The following STK39 variants were observed in gnomAD, a reference collection of about 807,000 sequenced individuals.
STK39 encodes STE20/SPS1-related proline-alanine-rich protein kinase.
In STK39, 20 loss-of-function variants were observed where a neutral mutation model predicts 77.8. The ratio of observed to expected loss-of-function variants is 0.26; its 90% CI spans 0.18 to 0.37. The LOEUF (loss-of-function observed/expected upper bound fraction) is 0.37, where lower values mean the gene tolerates loss of function less well. Ranked by LOEUF, STK39 falls within the 10% of genes least tolerant of loss-of-function variation. STK39 has a pLI of 1.00. For missense variants in STK39, 479 were observed against 656.5 expected, an observed-to-expected ratio of 0.73 and a Z score of 2.95; for synonymous variants, 246 against 234.1, an observed-to-expected ratio of 1.05 and a Z score of -0.47.
At chr2:168,247,166 C>A in intron 1 of STK39, 62 bp downstream of exon 1, 1 of 1,108,710 alleles carries the variant, frequency 9.0e-7, no homozygotes, top group African/African-American at 1.7e-5. Context: ...GCATCCCGCG[C>A]CCCCTCCCGC....
chr2:168,109,180 A>G (rs1253804280), intron 10 of STK39, among the ~76,000 whole-genome samples: 2 of 152,362 alleles, frequency 1.3e-5, no homozygotes, highest in Non-Finnish European at 2.9e-5. Flanking sequence ...CTGGAACAAT[A>G]ACACCCAACT....
intron 10 of STK39, among the ~76,000 whole-genome samples, chr2:168,122,151 C>A (rs1015067353): frequency 5.3e-5 from 8 of 152,070 alleles, no homozygotes; most frequent in Non-Finnish European, 1.2e-4. Context: ...AGTGTGGTGC[C>A]CAGTAAGTTG....
chr2:168,237,744 G>C (rs1031862272), intron 1 of STK39, among the ~76,000 whole-genome samples: 23 of 152,136 alleles, frequency 1.5e-4, no homozygotes, highest in Non-Finnish European at 3.1e-4. Flanking sequence ...ACAAGACAAA[G>C]CAGCTGGGAT....
intron 1 of STK39, among the ~76,000 whole-genome samples, chr2:168,191,896 G>C (rs1435409127): frequency 6.6e-6 from 1 of 152,156 alleles, no homozygotes; most frequent in African/African-American, 2.4e-5. Flanking sequence ...TCCTTGGGTA[G>C]GACTGTAGGA....
intron 16 of STK39, among the ~76,000 whole-genome samples, chr2:167,993,890 T>TA (rs1683765814): frequency 6.6e-6 from 1 of 152,196 alleles, no homozygotes; most frequent in African/African-American, 2.4e-5. Flanking sequence ...TTAAGTTTCA[T>TA]AAAATACTGT....
intron 10 of STK39, among the ~76,000 whole-genome samples, chr2:168,106,997 C>T (rs2105462311): frequency 6.6e-6 from 1 of 152,260 alleles, no homozygotes; most frequent in South Asian, 2.1e-4. Context: ...ATTTTTATAA[C>T]AGACTAGTCT....
chr2:168,189,791 C>G (rs1286173481), intron 1 of STK39, among the ~76,000 whole-genome samples: 1 of 152,184 alleles, frequency 6.6e-6, no homozygotes, highest in Non-Finnish European at 1.5e-5. Flanking sequence ...AGCACTTACT[C>G]AGAGGTTCAG....
intron 5 of STK39, among the ~76,000 whole-genome samples, chr2:168,148,010 C>T (rs866536557): frequency 1.3e-5 from 2 of 152,180 alleles, no homozygotes; most frequent in African/African-American, 4.8e-5. Context: ...TGGTCAAAAT[C>T]CTTCTCCCTC....
At chr2:168,182,220 A>G in intron 1 of STK39, 130 bp from the exon 2 acceptor site, 1 of 634,802 alleles carries the variant, frequency 1.6e-6, no homozygotes, top group Non-Finnish European at 2.7e-6. Context: ...ACCATTTGAC[A>G]TCTTTTTTTT....
At position 168,078,275 on chromosome 2, in the gene STK39, A is replaced by G. The variant is rs115056141; in HGVS notation, c.1090-3044T>C. 8.9e-3 allele frequency among the ~76,000 whole-genome samples: 1,343 copies of G among 150,622 alleles called. 17 individuals carry two copies. Among genetic ancestry groups the G allele is most frequent in the African/African-American group, 0.03 (1,246 of 40,976 alleles). ...AAAACCCGTTAAATAAATGAACCCA[A>G]GTTCTGATTCCAAGAAAAGAAGGCA... is the stretch of plus-strand genomic sequence containing the variant. On this transcript the variant is annotated intron_variant, in intron 10 of 17. Coordinates refer to ENST00000355999, the MANE Select transcript of STK39 (RefSeq NM_013233.3).
At chr2:168,046,980 T>C (rs71430615) in intron 14 of STK39, among the ~76,000 whole-genome samples, 19,579 of 151,800 alleles carry the variant, frequency 0.13, 1,552 homozygotes, top group Middle Eastern at 0.18. Context: ...CCAGCGAGTA[T>C]AGATTGTACA....
At chr2:167,956,070 G>A (rs1457809941) in intron 17 of STK39, among the ~76,000 whole-genome samples, 2 of 152,096 alleles carry the variant, frequency 1.3e-5, no homozygotes, top group African/African-American at 2.4e-5. Flanking sequence ...CAAGTACTGC[G>A]ATGGGCTCAT....
At chr2:168,242,558 A>AT (rs1166980342) in intron 1 of STK39, among the ~76,000 whole-genome samples, 17 of 63,570 alleles carry the variant, frequency 2.7e-4, no homozygotes, top group Non-Finnish European at 3.3e-4. Flanking sequence ...AAAAAAAAAA[A>AT]AAATATATAT....
intron 1 of STK39, 28 bp from the exon 2 acceptor site, chr2:168,182,118 G>T: frequency 6.3e-7 from 1 of 1,575,914 alleles, no homozygotes; most frequent in Non-Finnish European, 8.7e-7. Context: ...CAACATCAGC[G>T]ATCAAATGGC....
At chr2:168,189,465 A>AAGT (rs1234820256) in intron 1 of STK39, among the ~76,000 whole-genome samples, 1 of 152,068 alleles carries the variant, frequency 6.6e-6, no homozygotes, top group Non-Finnish European at 1.5e-5. Context: ...AACATGCAGA[A>AAGT]AGTATGTGGA....
At chr2:168,190,185 G>A (rs1689305483) in intron 1 of STK39, among the ~76,000 whole-genome samples, 1 of 152,132 alleles carries the variant, frequency 6.6e-6, no homozygotes, top group African/African-American at 2.4e-5. Flanking sequence ...GCCTCCAAGA[G>A]TGTTGGCTAA....
rs747573388 is a variant in STK39 at position 168,075,089 on chromosome 2, T to C, written c.1212+20A>G. 1.2e-6 allele frequency: 2 copies of C among 1,614,100 alleles called. No individual in the cohort carries two copies. The highest frequency in any genetic ancestry group is 1.1e-5 in the South Asian group (1 of 91,090). ...AATAAAATTTACACAGATTAGCTCA[T>C]CGTCAACGATGTCATTTACCTTTTC... On this transcript the variant is annotated intron_variant, in intron 11 of 17. Coordinates refer to ENST00000355999, the MANE Select transcript of STK39 (RefSeq NM_013233.3).
intron 16 of STK39, among the ~76,000 whole-genome samples, chr2:168,001,993 G>T (rs4667999): frequency 0.75 from 113,826 of 152,166 alleles, 43,217 homozygotes; most frequent in African/African-American, 0.84. Context: ...AGTGTAATCT[G>T]CAAGCATATT....
chr2:168,087,751 C>T lies in STK39; in HGVS notation c.1090-12520G>A, dbSNP rs534623231. On this transcript the variant is annotated intron_variant, in intron 10 of 17. Transcript: ENST00000355999. ...CACTAAAATCCAGCAGCCTCACTAT[C>T]GGTATTTATAAACAAAAGGCAAATT... is the stretch of plus-strand genomic sequence containing the variant. 3.3e-5 allele frequency among the ~76,000 whole-genome samples: 5 copies of T among 152,240 alleles called. No homozygotes were observed. The South Asian group carries it at 6.2e-4, about 19-fold the overall frequency.
Sources: allele counts gnomAD v4.1 joint callset (sites outside exome capture counted in the v4.1 genomes callset), GRCh38; gene constraint gnomAD v4.1.1; transcripts MANE v1.5; gene names NCBI Gene and HGNC (gene_info 2026-07-23, HGNC 2026-07-21).